The following ATP6V1C2 variants were observed in gnomAD, a reference collection of about 807,000 sequenced individuals.
ATP6V1C2 encodes ATPase H+ transporting V1 subunit C2.
In ATP6V1C2, 45 loss-of-function variants were observed where a neutral mutation model predicts 56.8. That is an observed-to-expected ratio of 0.79 (90% confidence interval 0.62 to 1.02). The LOEUF (loss-of-function observed/expected upper bound fraction) is 1.02. Ranked by LOEUF, ATP6V1C2 falls within the 50% of genes least tolerant of loss-of-function variation. The probability of loss-of-function intolerance (pLI) is 0.00; values close to 1 mark genes in which losing one functional copy is unlikely to be tolerated. For missense variants in ATP6V1C2, 463 were observed against 519.7 expected, an observed-to-expected ratio of 0.89 and a Z score of 1.06; for synonymous variants, 220 against 201.3, an observed-to-expected ratio of 1.09 and a Z score of -0.79.
intron 3 of ATP6V1C2, among the ~76,000 whole-genome samples, chr2:10,738,500 G>A (rs958256887): frequency 3.3e-5 from 5 of 152,130 alleles, no homozygotes; most frequent in African/African-American, 1.2e-4. Context: ...TTAATGTAAG[G>A]CATTTCCATC....
chr2:10,724,053 C>T (rs551700593), intron 2 of ATP6V1C2, among the ~76,000 whole-genome samples: 11 of 152,004 alleles, frequency 7.2e-5, no homozygotes, highest in Middle Eastern at 3.4e-3. Context: ...TGAGCCACCA[C>T]GCCTGGCCAC....
Position 10,723,821 on chromosome 2 carries a change from C to T in ATP6V1C2, c.129+843C>T, listed in dbSNP as rs181367923. On this transcript the variant is annotated intron_variant, in intron 2 of 13. Transcript: ENST00000272238. ...GCCACTGCACTCCAGCCTGGGTGAACGGCGAGACTCTGTCTCAAAAAAAAA... is the reference window on the plus strand; with the variant it reads ...GCCACTGCACTCCAGCCTGGGTGAATGGCGAGACTCTGTCTCAAAAAAAAA... Among the ~76,000 whole-genome samples, 639 of 130,554 alleles carry T rather than the reference C, an allele frequency of 4.9e-3. 5 individuals are homozygous for T. The highest frequency in any genetic ancestry group is 0.016 in the African/African-American group (554 of 35,440). 85.6% of individuals were successfully genotyped at this position (130,554 alleles called of 152,430 possible). A position where few individuals can be genotyped will look rare whatever the true frequency, so the allele number is the denominator to read the frequency against.
intron 3 of ATP6V1C2, among the ~76,000 whole-genome samples, chr2:10,752,299 G>GGTGTCCC (rs1176232095): frequency 1.3e-5 from 2 of 152,130 alleles, no homozygotes; most frequent in Non-Finnish European, 2.9e-5. Context: ...CTTTTATCAG[G>GGTGTCCC]GTGTCCCGTG....
In ATP6V1C2 at chr2:10,783,723, C is replaced by G. The variant is rs1665544322; in HGVS notation, c.*460C>G. ...TTGTGGTGGGCATAGGTGGCACCAT[C>G]TAAAGAAAAGAGGTCTTGTTTTTTG... On this transcript the variant is annotated 3_prime_UTR_variant, in exon 14 of 14. Coordinates refer to ENST00000272238, the MANE Select transcript of ATP6V1C2 (RefSeq NM_001039362.2). The G allele has an allele frequency of 6.3e-6, 1 of 157,572 alleles. No individual in the cohort carries two copies. The highest frequency in any genetic ancestry group is 6.3e-5 in the Admixed American group (1 of 15,960). The allele number at this position is 157,572 out of a possible 1,614,324, so 9.8% of individuals were successfully genotyped here. A position where few individuals can be genotyped will look rare whatever the true frequency, so the allele number is the denominator to read the frequency against.
intron 11 of ATP6V1C2, 197 bp from the exon 12 acceptor site, chr2:10,778,375 G>A (rs991998124): frequency 1.1e-4 from 63 of 588,460 alleles, no homozygotes; most frequent in African/African-American, 1.1e-3. Context: ...CTGGCCCGCT[G>A]AGCTTCCCCG....
intron 8 of ATP6V1C2, 77 bp from the exon 9 acceptor site, chr2:10,774,711 A>G (rs1664844123): frequency 7.7e-6 from 10 of 1,297,556 alleles, no homozygotes; most frequent in South Asian, 2.4e-5. Context: ...GCAGGCCACC[A>G]GGCCCGGGGC....
chr2:10,722,702 G>A (rs1268975917), intron 1 of ATP6V1C2, 122 bp from the exon 2 acceptor site: 1 of 1,100,998 alleles, frequency 9.1e-7, no homozygotes, highest in East Asian at 2.5e-5. Context: ...TTTTGCAAAT[G>A]GATGTCCTTG....
chr2:10,743,877 C>A, intron 3 of ATP6V1C2, among the ~76,000 whole-genome samples: 1 of 151,426 alleles, frequency 6.6e-6, no homozygotes, highest in Non-Finnish European at 1.5e-5. Flanking sequence ...CCCAGCTACT[C>A]GAGAGGCTGA....
intron 5 of ATP6V1C2, among the ~76,000 whole-genome samples, chr2:10,766,041 G>A (rs1017014721): frequency 6.6e-6 from 1 of 152,216 alleles, no homozygotes; most frequent in African/African-American, 2.4e-5. Flanking sequence ...GAGTGCAGAA[G>A]AGGAAGCTGA....
chr2:10,729,379 GTC>G (rs1295168282), intron 3 of ATP6V1C2, among the ~76,000 whole-genome samples: 7 of 151,894 alleles, frequency 4.6e-5, no homozygotes, highest in Non-Finnish European at 7.4e-5. Context: ...GGCCAGGCTG[GTC>G]TCGAACTCCT....
chr2:10,766,794 A>G (rs973282613), intron 5 of ATP6V1C2, among the ~76,000 whole-genome samples: 3 of 151,650 alleles, frequency 2.0e-5, no homozygotes, highest in African/African-American at 7.3e-5. Context: ...AATGCCGTAT[A>G]CTATACAGTT....
At chr2:10,769,200 G>A (rs959219913) in intron 6 of ATP6V1C2, among the ~76,000 whole-genome samples, 24 of 152,228 alleles carry the variant, frequency 1.6e-4, no homozygotes, top group African/African-American at 5.5e-4. Flanking sequence ...GCAGGGTGGT[G>A]GGCTCTGTGG....
chr2:10,775,734 C>T (rs1172812414), intron 10 of ATP6V1C2, among the ~76,000 whole-genome samples: 1 of 152,136 alleles, frequency 6.6e-6, no homozygotes, highest in African/African-American at 2.4e-5. Flanking sequence ...GAAGTGGGCA[C>T]CTTCCATACT....
chr2:10,769,208 T>C (rs57127376), intron 6 of ATP6V1C2, among the ~76,000 whole-genome samples: 62,641 of 152,126 alleles, frequency 0.41, 13,210 homozygotes, highest in Non-Finnish European at 0.47. Context: ...GTGGGCTCTG[T>C]GGCCCAGAGC....
intron 6 of ATP6V1C2, among the ~76,000 whole-genome samples, chr2:10,771,535 G>T (rs901645684): frequency 1.3e-5 from 2 of 152,202 alleles, no homozygotes; most frequent in Admixed American, 1.3e-4. Context: ...CCAGGGCAGC[G>T]CAGGTCACTG....
rs191249922 is a variant in ATP6V1C2, at chr2:10,776,241, C to T, written c.825+1170C>T. Among the ~76,000 whole-genome samples, 20 of 151,572 alleles carry T rather than the reference C, an allele frequency of 1.3e-4. No individual in the cohort carries two copies. In the East Asian group the frequency reaches 3.1e-3, roughly 24 times the overall value. Reference sequence around the variant, plus strand: ...TAGGGGGTTTTTCACCCTCCTCCTCCGAAATAGCACAGGGCGCTCACACAC... The same window carrying T: ...TAGGGGGTTTTTCACCCTCCTCCTCTGAAATAGCACAGGGCGCTCACACAC... On this transcript the variant is annotated intron_variant, in intron 10 of 13. Coordinates refer to ENST00000272238, the MANE Select transcript of ATP6V1C2 (RefSeq NM_001039362.2).
chr2:10,743,969 G>A (rs1034344688), intron 3 of ATP6V1C2, among the ~76,000 whole-genome samples: 1 of 131,838 alleles, frequency 7.6e-6, no homozygotes, highest in Middle Eastern at 3.4e-3. Context: ...GGGCAACAGC[G>A]AGATTCAGTC....
chr2:10,755,737 T>C (rs1296218790), intron 4 of ATP6V1C2, among the ~76,000 whole-genome samples: 1 of 152,132 alleles, frequency 6.6e-6, no homozygotes, highest in Non-Finnish European at 1.5e-5. Context: ...TTTGCCCAAA[T>C]CAGGTATGAG....
At chr2:10,767,835 T>C (rs1664330079) in intron 5 of ATP6V1C2, 1 of 152,184 alleles carries the variant, frequency 6.6e-6, no homozygotes, top group African/African-American at 2.4e-5. Context: ...AATTATTTTA[T>C]GATTTTATCT....
Sources: gnomAD v4.1 joint callset for allele counts (sites outside exome capture counted in the v4.1 genomes callset) on GRCh38, gnomAD v4.1.1 for gene constraint, MANE v1.5 for transcripts, NCBI Gene and HGNC (gene_info 2026-07-23, HGNC 2026-07-21) for gene names.